DPP6: variants seen among roughly 807,000 people sequenced by gnomAD.
DPP6 encodes the protein dipeptidyl peptidase like 6, also known as A-type potassium channel modulatory protein DPP6.
Under a neutral mutation model 122.6 loss-of-function variants are expected in DPP6, and 69 were observed. That is an observed-to-expected ratio of 0.56 (90% CI 0.46 to 0.69). The LOEUF (loss-of-function observed/expected upper bound fraction) is 0.69. Ranked by LOEUF, DPP6 falls within the 30% of genes least tolerant of loss-of-function variation. The pLI, the probability that DPP6 is intolerant of heterozygous loss-of-function variation, is 0.00. For synonymous variants in DPP6, 418 were observed against 433.1 expected (o/e 0.97, Z 0.43); for missense variants, 928 against 1,116.9 (o/e 0.83, Z 2.41).
chr7:154,187,058 C>T (rs908811577), intron 1 of DPP6, among the ~76,000 whole-genome samples: 2 of 152,150 alleles, frequency 1.3e-5, no homozygotes, highest in African/African-American at 4.8e-5. Context: ...GGTGAAAAAG[C>T]CTGTGTGTGT....
intron 3 of DPP6, among the ~76,000 whole-genome samples, chr7:154,531,390 A>G (rs1827826089): frequency 6.6e-6 from 1 of 152,216 alleles, no homozygotes; most frequent in South Asian, 2.1e-4. Context: ...TGAAAGGCAA[A>G]AAACAAAACA....
chr7:154,778,583 C>A (rs961985469), intron 10 of DPP6, among the ~76,000 whole-genome samples: 2 of 151,416 alleles, frequency 1.3e-5, no homozygotes, highest in Non-Finnish European at 2.9e-5. Flanking sequence ...CCACCACCAT[C>A]ATCAGTACCA....
chr7:154,438,367 G>A (rs1819057844), intron 1 of DPP6, among the ~76,000 whole-genome samples: 1 of 150,140 alleles, frequency 6.7e-6, no homozygotes, highest in Admixed American at 6.7e-5. Context: ...CTACTCAGGA[G>A]GCTGAGTCAG....
chr7:154,224,174 G>A (rs73726159), intron 1 of DPP6, among the ~76,000 whole-genome samples: 2,543 of 148,656 alleles, frequency 0.017, 385 homozygotes, highest in African/African-American at 0.062. Context: ...ATGGTTGAGT[G>A]GAGAGAAATG....
intron 4 of DPP6, among the ~76,000 whole-genome samples, chr7:154,564,933 A>G (rs1324352010): frequency 6.6e-6 from 1 of 152,056 alleles, no homozygotes; most frequent in Non-Finnish European, 1.5e-5. Context: ...TTGGTGCTCC[A>G]TTTTTTTGCA....
intron 1 of DPP6, among the ~76,000 whole-genome samples, chr7:154,289,017 G>A (rs563596137): frequency 6.6e-6 from 1 of 152,316 alleles, no homozygotes; most frequent in South Asian, 2.1e-4. Flanking sequence ...TGTGCCCAGA[G>A]TGCAGCCCTG....
At chr7:154,104,883 C>G (rs1253708861) in intron 1 of DPP6, among the ~76,000 whole-genome samples, 1 of 152,044 alleles carries the variant, frequency 6.6e-6, no homozygotes, top group Non-Finnish European at 1.5e-5. Flanking sequence ...GCCTACATAA[C>G]AAACACTCAG....
chr7:154,603,362 G>A lies in DPP6; in HGVS notation c.628-34459G>A, dbSNP rs1262603254. Among the ~76,000 whole-genome samples, 13 of 117,126 alleles carry A rather than the reference G, an allele frequency of 1.1e-4. 2 individuals carry two copies. The highest frequency in any genetic ancestry group is 3.6e-4 in the South Asian group (1 of 2,780). 76.8% of individuals were successfully genotyped at this position (117,126 alleles called of 152,430 possible). On this transcript the variant is annotated intron_variant, in intron 5 of 25. Coordinates refer to ENST00000377770, the MANE Select transcript of DPP6 (RefSeq NM_130797.4). ...GGGGTCTACTCTTACATGGATATTC[G>A]GCCATTTTAATCATTCCAGGCTGGC...
chr7:153,864,669 T>C, the DPP6 span, among the ~76,000 whole-genome samples: 6 of 96,152 alleles, frequency 6.2e-5, no homozygotes, highest in East Asian at 1.9e-3. Flanking sequence ...AAAATAATAA[T>C]AATACACACA....
chr7:154,662,351 C>T (rs1249348895), intron 6 of DPP6, among the ~76,000 whole-genome samples: 64 of 137,086 alleles, frequency 4.7e-4, no homozygotes, highest in African/African-American at 1.6e-3. Flanking sequence ...AGTGTTCACG[C>T]AGTCATGGTG....
intron 3 of DPP6, among the ~76,000 whole-genome samples, chr7:154,510,513 C>G (rs1825981308): frequency 1.3e-5 from 2 of 151,954 alleles, no homozygotes; most frequent in South Asian, 4.2e-4. Context: ...GCCTGGCCAA[C>G]ATAGTGAAAC....
intron 3 of DPP6, among the ~76,000 whole-genome samples, chr7:154,508,296 C>A (rs1451534024): frequency 6.6e-6 from 1 of 152,144 alleles, no homozygotes; most frequent in African/African-American, 2.4e-5. Flanking sequence ...AGTTTTATTT[C>A]TTTCTCACGT....
intron 2 of DPP6, among the ~76,000 whole-genome samples, chr7:154,456,564 G>A (rs1044675775): frequency 1.1e-4 from 11 of 96,788 alleles, no homozygotes; most frequent in Admixed American, 9.9e-4. Context: ...TAAAAAATGC[G>A]CCCCCCCCAC....
At chr7:154,418,810 A>G (rs991212009) in intron 1 of DPP6, among the ~76,000 whole-genome samples, 1 of 152,256 alleles carries the variant, frequency 6.6e-6, no homozygotes, top group African/African-American at 2.4e-5. Context: ...TATCTCTACC[A>G]TCAACTAAAA....
chr7:154,392,342 T>A (rs1779178161), intron 1 of DPP6, among the ~76,000 whole-genome samples: 1 of 152,192 alleles, frequency 6.6e-6, no homozygotes, highest in African/African-American at 2.4e-5. Context: ...GTGTAAGTGA[T>A]TTAACCTGAA....
chr7:154,882,732 G>A (rs1584973569), intron 21 of DPP6, among the ~76,000 whole-genome samples: 1 of 152,128 alleles, frequency 6.6e-6, no homozygotes, highest in Admixed American at 6.5e-5. Context: ...CAGGCCGCGT[G>A]GCCCTGCAGG....
intron 5 of DPP6, among the ~76,000 whole-genome samples, chr7:154,585,588 A>G (rs1032864729): frequency 6.6e-6 from 1 of 152,192 alleles, no homozygotes; most frequent in Admixed American, 6.5e-5. Flanking sequence ...GCCTTAGGTA[A>G]AATAGTGTAG....
chr7:153,887,577 C>T (rs1584983601), exon 1 of DPP6: 4 of 1,354,628 alleles, frequency 3.0e-6, no homozygotes, highest in Non-Finnish European at 3.1e-6. Flanking sequence ...TTCAAAAACC[C>T]GTTTCCATCC....
intron 1 of DPP6, among the ~76,000 whole-genome samples, chr7:153,928,987 CAG>C (rs993903300): frequency 6.6e-6 from 1 of 151,804 alleles, no homozygotes; most frequent in Non-Finnish European, 1.5e-5. Flanking sequence ...TGGGAGAGGT[CAG>C]AGAGAGCGCG....
Sources: allele counts gnomAD v4.1 joint callset (sites outside exome capture counted in the v4.1 genomes callset), GRCh38; gene constraint gnomAD v4.1.1; transcripts MANE v1.5; gene names NCBI Gene and HGNC (gene_info 2026-07-23, HGNC 2026-07-21).